Variants in BOD1L1 observed in about 807,000 individuals in gnomAD.
The protein encoded by BOD1L1 is biorientation of chromosomes in cell division 1 like 1, also known as biorientation of chromosomes in cell division protein 1-like 1.
A neutral mutation model predicts 240.7 loss-of-function variants in BOD1L1; 86 were observed. The ratio of observed to expected loss-of-function variants is 0.36; its 90% confidence interval spans 0.30 to 0.43. The LOEUF (loss-of-function observed/expected upper bound fraction) is 0.43. Ranked by LOEUF, BOD1L1 falls within the 20% of genes least tolerant of loss-of-function variation. The pLI is 1.00. For missense variants in BOD1L1, 3,554 were observed against 3,643.5 expected, an observed-to-expected ratio of 0.98 and a Z score of 0.63; for synonymous variants, 1,268 against 1,272.3, an observed-to-expected ratio of 1.00 and a Z score of 0.07.
At position 13,610,724 on chromosome 4, in the gene BOD1L1, C is replaced by T. The variant is rs80135749; in HGVS notation, c.1491+210G>A. On this transcript the variant is annotated intron_variant, in intron 6 of 25. Transcript: ENST00000040738. ...GAAACACCTCTGGTCCCACCCATTT[C>T]GGATAAGGGATATTCACTTGTATTA... Among the ~76,000 whole-genome samples, 88 of 152,268 alleles carry T rather than the reference C, an allele frequency of 5.8e-4. 4 individuals carry two copies. In the East Asian group the frequency reaches 0.015, roughly 27 times the overall value.
chr4:13,622,354 C>T (rs1161856996), intron 1 of BOD1L1, among the ~76,000 whole-genome samples: 2 of 152,114 alleles, frequency 1.3e-5, no homozygotes, highest in Non-Finnish European at 1.5e-5. Context: ...TTCAAGCTCT[C>T]CTTTCAGTAA....
intron 11 of BOD1L1, 79 bp downstream of exon 11, chr4:13,597,025 A>C: frequency 8.8e-7 from 1 of 1,133,404 alleles, no homozygotes; most frequent in Non-Finnish European, 1.3e-6. Flanking sequence ...TATATACCAC[A>C]TAAGTATATA....
At chr4:13,582,147 A>AT in intron 19 of BOD1L1, 90 bp downstream of exon 19, 2 of 1,103,432 alleles carry the variant, frequency 1.8e-6, no homozygotes, top group Non-Finnish European at 2.6e-6. Flanking sequence ...AAAGTACTTA[A>AT]GAAAAACTCA....
chr4:13,625,354 G>T (rs35607302), intron 1 of BOD1L1: 14,159 of 152,136 alleles, frequency 0.093, 762 homozygotes, highest in Middle Eastern at 0.16. Context: ...TGTTACTTGC[G>T]CATTTTTCTT....
Position 13,604,662 on chromosome 4 carries a change from T to A in BOD1L1, c.2238A>T (p.Lys746Asn), listed in dbSNP as rs1260357002. Residue 746 changes from lysine (K) to asparagine (N), a missense_variant, in exon 10 of 26, where the codon AAA becomes AAT. Around this residue, in one of 2 missense-constraint regions of BOD1L1, gnomAD observed 3,393 missense variants for 3,427.1 expected, o/e 0.99. Coordinates refer to ENST00000040738, the MANE Select transcript of BOD1L1 (RefSeq NM_148894.3). The stretch of plus-strand genomic sequence containing the variant: ...CACCTGTTTTATGCATACAATCACC[T>A]TTATATTTATGTTTCACAGACAATT... ...EDKLSVKHKYKGDCMHKTGDE... is the reference protein window; with the variant it reads ...EDKLSVKHKYNGDCMHKTGDE... The A allele has an allele frequency of 6.3e-7, 1 of 1,589,806 alleles. No homozygotes were observed. The highest frequency in any genetic ancestry group is 8.5e-7 in the Non-Finnish European group (1 of 1,173,630).
intron 10 of BOD1L1, among the ~76,000 whole-genome samples, chr4:13,598,252 C>T (rs1714779844): frequency 1.3e-5 from 2 of 152,198 alleles, no homozygotes; most frequent in Admixed American, 1.3e-4. Flanking sequence ...TGTTTCTTTT[C>T]ACTTTCAAAT....
Position 13,603,640 on chromosome 4 carries a change from T to C in BOD1L1, c.3260A>G (p.Glu1087Gly). 6.2e-7 allele frequency: 1 copy of C among 1,613,918 alleles called. No individual in the cohort carries two copies. The highest frequency in any genetic ancestry group is 1.3e-5 in the African/African-American group (1 of 75,034). ...SLSQEMAKGE[E>G]KLAANTLSTP... Reference sequence around the variant, plus strand: ...GCTCAAAGTGTTTGCTGCTAATTTTTCTTCTCCTTTGGCCATTTCTTGTGA... The same window carrying C: ...GCTCAAAGTGTTTGCTGCTAATTTTCCTTCTCCTTTGGCCATTTCTTGTGA... The change falls in exon 10 of 26, where the codon GAA (glutamate) becomes GGA (glycine). Residue 1087 changes from glutamate (E) to glycine (G), a missense_variant. Glu to Gly is a moderately conservative substitution (Grantham distance 98). Transcript: ENST00000040738.
At chr4:13,605,519 C>A (rs1715620016) in intron 9 of BOD1L1, among the ~76,000 whole-genome samples, 1 of 152,122 alleles carries the variant, frequency 6.6e-6, no homozygotes, top group African/African-American at 2.4e-5. Context: ...TAGATTATTT[C>A]ATTCCGAGTC....
At chr4:13,594,056 G>A (rs1714420587) in intron 12 of BOD1L1, among the ~76,000 whole-genome samples, 1 of 152,136 alleles carries the variant, frequency 6.6e-6, no homozygotes, top group African/African-American at 2.4e-5. Context: ...CTTATTCAGG[G>A]GATGAGGAAG....
intron 1 of BOD1L1, among the ~76,000 whole-genome samples, chr4:13,622,861 C>T (rs991527594): frequency 3.9e-5 from 6 of 152,214 alleles, no homozygotes; most frequent in African/African-American, 1.2e-4. Flanking sequence ...CAAAACCTGC[C>T]AATGGCTTCT....
At chr4:13,570,182 T>C (rs1712089948) in intron 25 of BOD1L1, 54 bp from the exon 26 acceptor site, 3 of 1,299,362 alleles carry the variant, frequency 2.3e-6, no homozygotes, top group Non-Finnish European at 3.1e-6. Flanking sequence ...CTGCTTCAAA[T>C]AACTTGGGAG....
chr4:13,606,996 G>GT, intron 9 of BOD1L1, 121 bp downstream of exon 9: 2 of 619,482 alleles, frequency 3.2e-6, no homozygotes, highest in Non-Finnish European at 5.1e-6. Flanking sequence ...AATGCTGAAT[G>GT]TAAGTTGACT....
At chr4:13,585,711 A>T (rs957527714) in intron 17 of BOD1L1, among the ~76,000 whole-genome samples, 3 of 152,090 alleles carry the variant, frequency 2.0e-5, no homozygotes, top group African/African-American at 7.2e-5. Context: ...CCCCACTTGT[A>T]GTGGGAAGGA....
At chr4:13,609,192 G>C (rs994065074) in intron 7 of BOD1L1, 103 bp downstream of exon 7, 5 of 616,388 alleles carry the variant, frequency 8.1e-6, no homozygotes, top group Non-Finnish European at 1.2e-5. Flanking sequence ...TTTGAGACTA[G>C]ATCATTTTAT....
intron 2 of BOD1L1, among the ~76,000 whole-genome samples, chr4:13,617,232 A>AG (rs370419548): frequency 7.3e-6 from 1 of 137,400 alleles, no homozygotes; most frequent in African/African-American, 2.6e-5. Flanking sequence ...CGACAGAGCG[A>AG]ACTCCGTCTC....
At position 13,599,346 on chromosome 4, in the gene BOD1L1, A is replaced by C; in HGVS notation, c.7554T>G (p.Asp2518Glu). The C allele has an allele frequency of 6.2e-7, 1 of 1,613,866 alleles. No homozygotes were observed. The highest frequency in any genetic ancestry group is 8.5e-7 in the Non-Finnish European group (1 of 1,179,866). ...PEQTSGQTAK[D>E]PSVSIRYLAA... ...CCAAATAGCGAATGCTGACAGAGGGATCCTTAGCCGTCTGCCCAGACGTCT... is the reference window on the plus strand; with the variant it reads ...CCAAATAGCGAATGCTGACAGAGGGCTCCTTAGCCGTCTGCCCAGACGTCT... Residue 2518 changes from aspartate to glutamate, a missense_variant, in exon 10 of 26, where the codon GAT becomes GAG. Asp to Glu is a conservative substitution (Grantham distance 45, BLOSUM62 2). This residue lies in a region of BOD1L1 where 3,393 missense variants were observed against 3,427.1 expected (regional missense o/e 0.99). Transcript: ENST00000040738.
rs1715246299 is a variant in BOD1L1 at position 13,602,191 on chromosome 4, C to A, written c.4709G>T (p.Arg1570Ile). 6.2e-7 allele frequency: 1 copy of A among 1,613,764 alleles called. No homozygotes were observed. ...DEGLIIGTHS[R>I]NNPLHVGAEA... is the part of the protein sequence containing the mutation. Reference sequence around the variant, plus strand: ...TGCACCAACATGAAGAGGATTATTTCTGGAATGTGTTCCTATTATGAGGCC... The same window carrying A: ...TGCACCAACATGAAGAGGATTATTTATGGAATGTGTTCCTATTATGAGGCC... The change falls in exon 10 of 26, where the codon AGA becomes ATA. Residue 1570 changes from arginine to isoleucine, a missense_variant. This residue lies in a region of BOD1L1 where 3,393 missense variants were observed against 3,427.1 expected (regional missense o/e 0.99). Transcript: ENST00000040738.
At chr4:13,588,020 C>T (rs1713850412) in intron 15 of BOD1L1, among the ~76,000 whole-genome samples, 1 of 152,064 alleles carries the variant, frequency 6.6e-6, no homozygotes, top group Non-Finnish European at 1.5e-5. Context: ...CCCGTCTCTA[C>T]TAAAAATACA....
intron 8 of BOD1L1, among the ~76,000 whole-genome samples, 159 bp downstream of exon 8, chr4:13,608,371 T>C (rs1715882347): frequency 6.6e-6 from 1 of 152,130 alleles, no homozygotes; most frequent in South Asian, 2.1e-4. Context: ...GTTATAGATA[T>C]TAACATTTTG....
Sources: gnomAD v4.1 joint callset for allele counts (sites outside exome capture counted in the v4.1 genomes callset) on GRCh38, gnomAD v4.1.1 for gene constraint, gnomAD v4.1.1 regional missense constraint, MANE v1.5 for transcripts, NCBI Gene and HGNC (gene_info 2026-07-23, HGNC 2026-07-21) for gene names.